The following TMC2 variants were observed in gnomAD, a reference collection of about 807,000 sequenced individuals.
TMC2 encodes transmembrane channel-like protein 2.
TMC2 carries 102 observed loss-of-function variants against 105.9 expected under a neutral mutation model. The ratio of observed to expected loss-of-function variants is 0.96; its 90% CI spans 0.82 to 1.14. TMC2 has a LOEUF of 1.14. Among genes scored for constraint, TMC2 ranks in the 50% most tolerant of loss-of-function variants. The pLI is 0.00. For synonymous variants in TMC2, 402 were observed against 422.8 expected (o/e 0.95, Z 0.60); for missense variants, 1,093 against 1,134.3 (o/e 0.96, Z 0.52).
intron 13 of TMC2, 56 bp downstream of exon 13, chr20:2,612,396 C>T (rs1035241293): frequency 7.1e-6 from 10 of 1,418,366 alleles, no homozygotes; most frequent in Non-Finnish European, 9.4e-6. Flanking sequence ...TTTGTTATTC[C>T]CTCCTTGATG....
chr20:2,620,427 G>A (rs1294471923), intron 16 of TMC2, among the ~76,000 whole-genome samples: 1 of 152,216 alleles, frequency 6.6e-6, no homozygotes, highest in Non-Finnish European at 1.5e-5. Context: ...AGAAAACTCT[G>A]ACTAATCGTG....
chr20:2,606,904 T>C (rs1600126689), intron 11 of TMC2, among the ~76,000 whole-genome samples: 1 of 148,668 alleles, frequency 6.7e-6, no homozygotes, highest in South Asian at 2.1e-4. Context: ...TTTTTTTTTT[T>C]TTTTTTGCAG....
In TMC2 at chr20:2,641,715, C is replaced by T. The variant is rs1283945060; in HGVS notation, c.*364C>T. ...TTTCCATGGGATACAGTTTAGGACA[C>T]GGGTTTCTGCCAGCTTCCCTAACCA... is the stretch of plus-strand genomic sequence containing the variant. On this transcript the variant is annotated 3_prime_UTR_variant, in exon 20 of 20. Coordinates refer to ENST00000358864, the MANE Select transcript of TMC2 (RefSeq NM_080751.3). 4 of 204,012 alleles carry T rather than the reference C, an allele frequency of 2.0e-5. No homozygotes were observed. The highest frequency in any genetic ancestry group is 1.2e-4 in the East Asian group (1 of 8,672). The allele number at this position is 204,012 out of a possible 1,614,324, so 12.6% of individuals were successfully genotyped here. A position where few individuals can be genotyped will look rare whatever the true frequency, so the allele number is the denominator to read the frequency against.
chr20:2,610,344 G>T, intron 11 of TMC2, 75 bp from the exon 12 acceptor site: 1 of 1,366,020 alleles, frequency 7.3e-7, no homozygotes. Context: ...GAGATGGATG[G>T]CCATGGGAGT....
rs756919074 is a variant in TMC2, at chr20:2,579,966, A to C, written c.744A>C (p.Ser248=). ...IKDIESHFGS[S]VASYFIFLRW... ...TCTCTCTAGGTCACTTTGGTTCTTCAGTGGCATCGTATTTCATCTTTCTCC... is the reference window on the plus strand; with the variant it reads ...TCTCTCTAGGTCACTTTGGTTCTTCCGTGGCATCGTATTTCATCTTTCTCC... The change falls in exon 7 of 20, where the codon TCA becomes TCC. Residue 248 remains serine, a synonymous_variant. Coordinates refer to ENST00000358864, the MANE Select transcript of TMC2 (RefSeq NM_080751.3). The C allele has an allele frequency of 1.5e-5, 24 of 1,613,740 alleles. No individual in the cohort carries two copies. Among genetic ancestry groups the C allele is most frequent in the Non-Finnish European group, 1.9e-5 (22 of 1,179,858 alleles).
intron 16 of TMC2, among the ~76,000 whole-genome samples, chr20:2,619,347 T>A (rs1825380790): frequency 6.6e-6 from 1 of 152,170 alleles, no homozygotes; most frequent in African/African-American, 2.4e-5. Context: ...CTGTGATTTC[T>A]GCAGCAGCAT....
At chr20:2,608,676 G>A (rs2086412545) in intron 11 of TMC2, among the ~76,000 whole-genome samples, 1 of 152,050 alleles carries the variant, frequency 6.6e-6, no homozygotes, top group Non-Finnish European at 1.5e-5. Flanking sequence ...TCACTAAACT[G>A]CAGCACCATT....
In TMC2 at chr20:2,642,449, C is replaced by A. The variant is rs990598625; in HGVS notation, c.*1098C>A. Among the ~76,000 whole-genome samples the A allele has an allele frequency of 1.1e-4, 17 of 152,120 alleles. No homozygotes were observed. The highest frequency in any genetic ancestry group is 4.1e-4 in the African/African-American group (17 of 41,422). Reference sequence around the variant, plus strand: ...CCTGCCTTACCCAGGGCAGAAAAATCTTTTTCATGCACCAAATTCTAAAAG... The same window carrying A: ...CCTGCCTTACCCAGGGCAGAAAAATATTTTTCATGCACCAAATTCTAAAAG... On this transcript the variant is annotated 3_prime_UTR_variant, in exon 20 of 20. Coordinates refer to ENST00000358864, the MANE Select transcript of TMC2 (RefSeq NM_080751.3).
intron 5 of TMC2, among the ~76,000 whole-genome samples, chr20:2,576,304 A>G (rs6115016): frequency 0.12 from 17,649 of 152,234 alleles, 1,230 homozygotes; most frequent in African/African-American, 0.18. Context: ...CCCATGCCCC[A>G]GTCCAGTTTT....
At chr20:2,576,581 T>A (rs1281209471) in intron 5 of TMC2, among the ~76,000 whole-genome samples, 1 of 152,152 alleles carries the variant, frequency 6.6e-6, no homozygotes, top group Non-Finnish European at 1.5e-5. Context: ...AGGGGATCCA[T>A]CTCTCGAGGG....
intron 5 of TMC2, among the ~76,000 whole-genome samples, chr20:2,573,733 TG>T (rs72250465): frequency 0.11 from 15,627 of 145,644 alleles, 1,211 homozygotes; most frequent in African/African-American, 0.19. Context: ...GCTAATTTTT[TG>T]TGTTTTTAGT....
chr20:2,578,453 A>G (rs545528544), intron 5 of TMC2, among the ~76,000 whole-genome samples: 1 of 152,306 alleles, frequency 6.6e-6, no homozygotes, highest in South Asian at 2.1e-4. Context: ...TGTTTCCACA[A>G]TGTGGGGCTG....
At position 2,624,183 on chromosome 20, in the gene TMC2, C is replaced by G. The variant is rs1057377245; in HGVS notation, c.2181-88C>G. The G allele has an allele frequency of 1.6e-5, 23 of 1,437,008 alleles. No homozygotes were observed. In the African/African-American group the frequency reaches 2.4e-4, roughly 15 times the overall value. The allele number at this position is 1,437,008 out of a possible 1,614,324, so 89.0% of individuals were successfully genotyped here. A position where few individuals can be genotyped will look rare whatever the true frequency, so the allele number is the denominator to read the frequency against. ...AGGAAAGCAGTGGCAGGCAGCAGCC[C>G]TGGACCTGGGTAGGGGGGCCATGGA... On this transcript the variant is annotated intron_variant, in intron 16 of 19. Transcript: ENST00000358864.
At chr20:2,627,159 T>C (rs2086570428) in intron 17 of TMC2, among the ~76,000 whole-genome samples, 1 of 152,220 alleles carries the variant, frequency 6.6e-6, no homozygotes, top group African/African-American at 2.4e-5. Flanking sequence ...AACAGCTTGC[T>C]GTTTACTCAT....
chr20:2,641,502 C>A lies in TMC2; in HGVS notation c.*151C>A. The A allele has an allele frequency of 1.6e-6, 1 of 606,336 alleles. No individual in the cohort carries two copies. The highest frequency in any genetic ancestry group is 2.9e-6 in the Non-Finnish European group (1 of 342,650). The allele number at this position is 606,336 out of a possible 1,614,324, so 37.6% of individuals were successfully genotyped here. On this transcript the variant is annotated 3_prime_UTR_variant, in exon 20 of 20. Coordinates refer to ENST00000358864, the MANE Select transcript of TMC2 (RefSeq NM_080751.3). ...TGCATGAACTTTGATTCCTTCAGGC[C>A]CTTGTCAGCTACCGAAGGAGGAAGA...
intron 2 of TMC2, among the ~76,000 whole-genome samples, chr20:2,555,698 C>T (rs1288470888): frequency 2.0e-5 from 3 of 152,092 alleles, no homozygotes; most frequent in South Asian, 4.1e-4. Context: ...TCTTTGATGT[C>T]CTTGTTCTTT....
intron 7 of TMC2, among the ~76,000 whole-genome samples, chr20:2,585,146 T>C (rs1452611698): frequency 2.0e-5 from 3 of 152,220 alleles, no homozygotes; most frequent in East Asian, 1.9e-4. Context: ...AGTTTATCAG[T>C]CATTTGTCCC....
intron 2 of TMC2, among the ~76,000 whole-genome samples, chr20:2,540,475 A>G (rs1447768783): frequency 1.3e-5 from 2 of 151,582 alleles, no homozygotes; most frequent in Admixed American, 6.6e-5. Flanking sequence ...AGCCTGGTCA[A>G]CATGGTGAAA....
In TMC2 at chr20:2,558,537, G is replaced by T. The variant is rs1237264523; in HGVS notation, c.164G>T (p.Ser55Ile). The T allele has an allele frequency of 6.4e-7, 1 of 1,553,926 alleles. No individual in the cohort carries two copies. Among genetic ancestry groups the T allele is most frequent in the Non-Finnish European group, 8.7e-7 (1 of 1,148,618 alleles). The change falls in exon 3 of 20, where the codon AGC (serine) becomes ATC (isoleucine). Residue 55 changes from serine (S) to isoleucine (I), a missense_variant. Physicochemically the swap from Ser to Ile is moderately radical, Grantham distance 142. Coordinates refer to ENST00000358864, the MANE Select transcript of TMC2 (RefSeq NM_080751.3). The surrounding 1 kb of genome is among the most constrained non-coding windows in gnomAD (Gnocchi z 4.6). The part of the protein sequence containing the change: ...GTPGRRGAQR[S>I]QKERAGGSPS... ...CCAGGCAGGCGCGGAGCTCAGCGAAGCCAGAAGGAGCGCGCCGGGGGCAGC... is the reference window on the plus strand; with the variant it reads ...CCAGGCAGGCGCGGAGCTCAGCGAATCCAGAAGGAGCGCGCCGGGGGCAGC...
Sources: allele counts gnomAD v4.1 joint callset (sites outside exome capture counted in the v4.1 genomes callset), GRCh38; gene constraint gnomAD v4.1.1; non-coding constraint Gnocchi (gnomAD v3.1); transcripts MANE v1.5; gene names NCBI Gene and HGNC (gene_info 2026-07-23, HGNC 2026-07-21).